DPP9: variants seen among roughly 807,000 people sequenced by gnomAD.
DPP9 encodes the protein dipeptidyl peptidase IV-related protein-2.
Under a neutral mutation model 110.7 loss-of-function variants are expected in DPP9, and 50 were observed. That is an observed-to-expected ratio of 0.45 (90% CI 0.36 to 0.57). The LOEUF is 0.57. DPP9 is among the 20% of genes least tolerant of loss of function. The pLI, the probability that DPP9 is intolerant of heterozygous loss-of-function variation, is 0.00. For missense variants in DPP9, 1,022 were observed against 1,217.9 expected (o/e 0.84, Z 2.39); for synonymous variants, 561 against 514.4 (o/e 1.09, Z -1.23).
chr19:4,691,192 C>T (rs571469945), intron 13 of DPP9, among the ~76,000 whole-genome samples: 2 of 152,248 alleles, frequency 1.3e-5, no homozygotes, highest in African/African-American at 4.8e-5. Flanking sequence ...CCACGATAAA[C>T]CAGGAGACCC....
rs779731146 is a variant in DPP9, at chr19:4,690,914, G to A, written c.1560C>T (p.Ser520=). ...CPIKEEIALT[S]GEWEVLARHG... ...GCCTCGCCAAAACCTCCCATTCACC[G>A]CTGGTCAGAGCAATCTCTTCCTTAA... Residue 520 remains serine, a synonymous_variant, in exon 14 of 22, where the codon AGC becomes AGT. Coordinates refer to ENST00000262960, the MANE Select transcript of DPP9 (RefSeq NM_139159.5). 19 of 1,613,172 alleles carry A rather than the reference G, an allele frequency of 1.2e-5. No homozygotes were observed. Among genetic ancestry groups the A allele is most frequent in the South Asian group, 2.2e-5 (2 of 90,868 alleles).
Position 4,700,294 on chromosome 19 carries a change from G to A in DPP9, c.1013-17C>T, listed in dbSNP as rs1478183231. On this transcript the variant is annotated splice_polypyrimidine_tract_variant and intron_variant, in intron 9 of 21. Coordinates refer to ENST00000262960, the MANE Select transcript of DPP9 (RefSeq NM_139159.5). The surrounding 1 kb of genome is among the most constrained non-coding windows in gnomAD (Gnocchi z 4.3). ...TCTTGCTGCCTGCAAAAACCGAAGTGAGGTGAACACCAGGCAGGCATCACC... is the reference window on the plus strand; with the variant it reads ...TCTTGCTGCCTGCAAAAACCGAAGTAAGGTGAACACCAGGCAGGCATCACC... 1 of 1,596,444 alleles carries A rather than the reference G, an allele frequency of 6.3e-7. No individual in the cohort carries two copies. Among genetic ancestry groups the A allele is most frequent in the South Asian group, 1.1e-5 (1 of 88,958 alleles).
Position 4,704,872 on chromosome 19 carries a change from G to A in DPP9, c.427-568C>T, listed in dbSNP as rs1175421237. Among the ~76,000 whole-genome samples the A allele has an allele frequency of 6.6e-6, 1 of 152,130 alleles. No homozygotes were observed. The highest frequency in any genetic ancestry group is 1.5e-5 in the Non-Finnish European group (1 of 68,020). ...AAATTAGCCGGGTGTGGTGGCACGCGCCTGTAGTCCCAGCTACTTGGGACG... is the reference window on the plus strand; with the variant it reads ...AAATTAGCCGGGTGTGGTGGCACGCACCTGTAGTCCCAGCTACTTGGGACG... On this transcript the variant is annotated intron_variant, in intron 5 of 21. Transcript: ENST00000262960. The surrounding 1 kb of genome is among the most constrained non-coding windows in gnomAD (Gnocchi z 6.0).
intron 16 of DPP9, among the ~76,000 whole-genome samples, chr19:4,686,389 G>C: frequency 6.7e-6 from 1 of 148,622 alleles, no homozygotes. Context: ...GCACGATCTT[G>C]GTTCACGGCA....
rs1276192252 is a variant in DPP9, at chr19:4,710,072, G to T, written c.313+4009C>A. Among the ~76,000 whole-genome samples, 1 of 152,216 alleles carries T rather than the reference G, an allele frequency of 6.6e-6. No individual in the cohort carries two copies. The highest frequency in any genetic ancestry group is 1.5e-5 in the Non-Finnish European group (1 of 68,026). ...CTAGAGGTGACCGCCAAGGGCTGTG[G>T]ATTTCTGCTGCCCCATCCCTCCTCG... is the stretch of plus-strand genomic sequence containing the variant. On this transcript the variant is annotated intron_variant, in intron 4 of 21. Transcript: ENST00000262960. This position sits in a 1 kb window ranked among gnomAD's most constrained non-coding sequence, Gnocchi z 5.6.
chr19:4,716,265 C>T (rs769707459), intron 3 of DPP9: 1 of 152,282 alleles, frequency 6.6e-6, no homozygotes, highest in Non-Finnish European at 1.5e-5. Context: ...AGGGTAACCA[C>T]TGCAAGAGAA....
chr19:4,702,812 G>T, intron 7 of DPP9, 96 bp from the exon 8 acceptor site: 1 of 307,860 alleles, frequency 3.2e-6, no homozygotes, highest in Admixed American at 4.4e-5. Context: ...GAGAGGGAGA[G>T]AGAAGGAGGG....
chr19:4,714,266 G>C lies in DPP9; in HGVS notation c.128C>G (p.Ala43Gly), dbSNP rs763830144. 2.6e-6 allele frequency: 4 copies of C among 1,567,268 alleles called. No individual in the cohort carries two copies. The highest frequency in any genetic ancestry group is 2.6e-6 in the Non-Finnish European group (3 of 1,158,452). The change falls in exon 4 of 22, where the codon GCA (alanine) becomes GGA (glycine). Residue 43 changes from alanine to glycine, a missense_variant. Coordinates refer to ENST00000262960, the MANE Select transcript of DPP9 (RefSeq NM_139159.5). ...GGCGGCCGGGTCATCTGTGGCGGCT[G>C]CGTCGCCTCGGTCGGCCGTTGGGGT... Reference protein sequence around the residue: ...TGTPTADRGDAAATDDPAARF... With the variant: ...TGTPTADRGDGAATDDPAARF...
rs556743695 is a variant in DPP9, at chr19:4,718,464, A to G, written c.56+1387T>C. 2.0e-5 allele frequency among the ~76,000 whole-genome samples: 3 copies of G among 152,264 alleles called. No individual in the cohort carries two copies. The East Asian group carries it at 5.8e-4, about 29-fold the overall frequency. On this transcript the variant is annotated intron_variant, in intron 3 of 21. Transcript: ENST00000262960. This position sits in a 1 kb window ranked among gnomAD's most constrained non-coding sequence, Gnocchi z 4.3. ...GGACAGGGTCCTACCCATGCGCTGG[A>G]TGGGGAAATGCCTCAAGGTGGACTT... is the stretch of plus-strand genomic sequence containing the variant.
At position 4,698,126 on chromosome 19, in the gene DPP9, G is replaced by C. The variant is rs2091953925; in HGVS notation, c.1075-475C>G. On this transcript the variant is annotated intron_variant, in intron 10 of 21. Coordinates refer to ENST00000262960, the MANE Select transcript of DPP9 (RefSeq NM_139159.5). This position sits in a 1 kb window ranked among gnomAD's most constrained non-coding sequence, Gnocchi z 4.2. ...AGCCAACGGCGGCACCCCAGCAGGT[G>C]CCTGGACCCAAAGGCTCTGGTCTGG... Among the ~76,000 whole-genome samples, 1 of 152,340 alleles carries C rather than the reference G, an allele frequency of 6.6e-6. No individual in the cohort carries two copies. The highest frequency in any genetic ancestry group is 2.1e-4 in the South Asian group (1 of 4,826).
chr19:4,707,926 C>T (rs1348570011), intron 4 of DPP9, among the ~76,000 whole-genome samples: 1 of 152,090 alleles, frequency 6.6e-6, no homozygotes, highest in East Asian at 1.9e-4. Context: ...ACACCCGGCC[C>T]TTGCTTGCTT....
chr19:4,707,990 A>G (rs1480142227), intron 4 of DPP9, among the ~76,000 whole-genome samples: 2 of 152,150 alleles, frequency 1.3e-5, no homozygotes, highest in Middle Eastern at 3.2e-3. Context: ...TTAGTGCTTA[A>G]TTAGTAATAT....
intron 4 of DPP9, among the ~76,000 whole-genome samples, chr19:4,709,469 G>A (rs2092733864): frequency 6.6e-6 from 1 of 152,210 alleles, no homozygotes; most frequent in Non-Finnish European, 1.5e-5. Flanking sequence ...AAGAACGCAA[G>A]TGCTGGAAAC....
rs757840802 is a variant in DPP9 at position 4,702,648 on chromosome 19, C to T, written c.838G>A (p.Asp280Asn). 5.0e-6 allele frequency: 8 copies of T among 1,604,050 alleles called. No homozygotes were observed. The highest frequency in any genetic ancestry group is 1.3e-5 in the African/African-American group (1 of 74,302). The change falls in exon 8 of 22, where the codon GAC (aspartate) becomes AAC (asparagine). Residue 280 changes from aspartate to asparagine, a missense_variant. Asp to Asn is a conservative substitution (Grantham distance 23). This residue lies in a region of DPP9 where 810 missense variants were observed against 920.6 expected (regional missense o/e 0.88). Transcript: ENST00000262960. ...CACCACCAGTACCCAGTGAAGCGGT[C>T]GAACTCTTCCTGTATGACGAAGGTG... is the stretch of plus-strand genomic sequence containing the variant. The part of the protein sequence containing the change: ...VATFVIQEEF[D>N]RFTGYWWCPT...
At chr19:4,683,910 A>C in intron 18 of DPP9, 24 of 1,201,880 alleles carry the variant, frequency 2.0e-5, no homozygotes, top group Non-Finnish European at 2.8e-5. Context: ...AGGGACATTA[A>C]CAGGAAGAGG....
At chr19:4,690,779 G>A in intron 14 of DPP9, 99 bp downstream of exon 14, 4 of 912,438 alleles carry the variant, frequency 4.4e-6, no homozygotes, top group Non-Finnish European at 7.0e-6. Context: ...GTATGTGTGT[G>A]AGTGTATGTG....
Position 4,694,338 on chromosome 19 carries a change from G to C in DPP9, c.1516+323C>G, listed in dbSNP as rs1320747484. On this transcript the variant is annotated intron_variant, in intron 13 of 21. Transcript: ENST00000262960. This position sits in a 1 kb window ranked among gnomAD's most constrained non-coding sequence, Gnocchi z 4.0. The stretch of plus-strand genomic sequence containing the variant: ...TCTGTAAACAAGTGGCTGTGGCTCA[G>C]TGCCAATAAAACTTTATTTATGAAC... The C allele has an allele frequency of 6.2e-6, 3 of 484,332 alleles. No individual in the cohort carries two copies. Among genetic ancestry groups the C allele is most frequent in the African/African-American group, 5.9e-5 (3 of 51,082 alleles). 30.0% of individuals were successfully genotyped at this position (484,332 alleles called of 1,614,324 possible).
At chr19:4,686,025 A>C in intron 16 of DPP9, 1 of 420,052 alleles carries the variant, frequency 2.4e-6, no homozygotes, top group Non-Finnish European at 4.4e-6. Flanking sequence ...CGATCCTCCC[A>C]CCTCGGCCTC....
rs2088834119 is a variant in DPP9, at chr19:4,676,413, C to A, written c.*151G>T. 4 of 649,776 alleles carry A rather than the reference C, an allele frequency of 6.2e-6. No individual in the cohort carries two copies. The Admixed American group carries it at 1.0e-4, about 17-fold the overall frequency. The allele number at this position is 649,776 out of a possible 1,614,324, so 40.3% of individuals were successfully genotyped here. The stretch of plus-strand genomic sequence containing the variant: ...TAAAAAAGGATAAAAGGCGTCGGGG[C>A]GGTGAAGGCAGCGGCTCCTCGGGGC... On this transcript the variant is annotated 3_prime_UTR_variant, in exon 22 of 22. Coordinates refer to ENST00000262960, the MANE Select transcript of DPP9 (RefSeq NM_139159.5). This position sits in a 1 kb window ranked among gnomAD's most constrained non-coding sequence, Gnocchi z 4.0.
Sources: gnomAD v4.1 joint callset for allele counts (sites outside exome capture counted in the v4.1 genomes callset) on GRCh38, gnomAD v4.1.1 for gene constraint, gnomAD v4.1.1 regional missense constraint, Gnocchi (gnomAD v3.1) non-coding constraint, MANE v1.5 for transcripts, NCBI Gene and HGNC (gene_info 2026-07-23, HGNC 2026-07-21) for gene names.